Variants in PAPPA2 observed in about 807,000 individuals in gnomAD.
PAPPA2 encodes the protein pappalysin-2.
In PAPPA2, 86 loss-of-function variants were observed where a neutral mutation model predicts 176.4. The observed-to-expected ratio is 0.49, with a 90% CI of 0.41 to 0.58. The LOEUF is 0.58. Among genes scored for constraint, PAPPA2 ranks in the 20% least tolerant of loss-of-function variants. PAPPA2 has a pLI of 0.00. For missense variants in PAPPA2, 2,073 were observed against 2,256.9 expected, an observed-to-expected ratio of 0.92 and a Z score of 1.65; for synonymous variants, 809 against 852.2, an observed-to-expected ratio of 0.95 and a Z score of 0.88.
chr1:176,558,084 A>G (rs1651434023), intron 2 of PAPPA2, among the ~76,000 whole-genome samples: 1 of 152,188 alleles, frequency 6.6e-6, no homozygotes, highest in African/African-American at 2.4e-5. Flanking sequence ...CCTTACTGGG[A>G]AAGTTGGAAT....
At chr1:176,516,087 C>T (rs1648891990) in intron 1 of PAPPA2, among the ~76,000 whole-genome samples, 2 of 152,104 alleles carry the variant, frequency 1.3e-5, no homozygotes, top group African/African-American at 2.4e-5. Flanking sequence ...CACAGGACAA[C>T]ATGTTCTCAA....
chr1:176,709,394 T>C (rs1405891651), intron 10 of PAPPA2, among the ~76,000 whole-genome samples: 1 of 152,036 alleles, frequency 6.6e-6, no homozygotes, highest in Non-Finnish European at 1.5e-5. Flanking sequence ...CCTCACAGGG[T>C]TGTCCTAAGA....
intron 3 of PAPPA2, among the ~76,000 whole-genome samples, chr1:176,625,057 T>G (rs1471871746): frequency 1.3e-5 from 2 of 152,220 alleles, no homozygotes; most frequent in African/African-American, 4.8e-5. Flanking sequence ...GACTGTTGTC[T>G]GTAGGCAGTC....
At chr1:176,528,463 G>A (rs1649613606) in intron 1 of PAPPA2, among the ~76,000 whole-genome samples, 1 of 152,172 alleles carries the variant, frequency 6.6e-6, no homozygotes, top group Non-Finnish European at 1.5e-5. Flanking sequence ...TTGCCCAAAG[G>A]CCCACAGCTA....
chr1:176,560,969 A>C (rs1651634265), intron 2 of PAPPA2, among the ~76,000 whole-genome samples: 1 of 152,198 alleles, frequency 6.6e-6, no homozygotes, highest in Non-Finnish European at 1.5e-5. Flanking sequence ...CATGCAAAGC[A>C]CGGCAAGGCC....
rs115676018 is a variant in PAPPA2 at position 176,636,131 on chromosome 1, G to A, written c.1992-34839G>A. 6.2e-3 allele frequency among the ~76,000 whole-genome samples: 942 copies of A among 152,214 alleles called. 14 individuals are homozygous for A. Among genetic ancestry groups the A allele is most frequent in the African/African-American group, 0.021 (866 of 41,530 alleles). Reference sequence around the variant, plus strand: ...CTTGATGCATTCTGCTGTTGAGAACGTGAAAGGGACACCATCAATAAACAC... The same window carrying A: ...CTTGATGCATTCTGCTGTTGAGAACATGAAAGGGACACCATCAATAAACAC... On this transcript the variant is annotated intron_variant, in intron 3 of 22. Transcript: ENST00000367662.
At chr1:176,705,554 A>G (rs547346993) in intron 9 of PAPPA2, among the ~76,000 whole-genome samples, 2 of 152,296 alleles carry the variant, frequency 1.3e-5, no homozygotes, top group East Asian at 3.9e-4. Context: ...GTCCTCATCC[A>G]TTTTGCAATA....
chr1:176,658,099 T>C (rs1658128022), intron 3 of PAPPA2, among the ~76,000 whole-genome samples: 1 of 152,058 alleles, frequency 6.6e-6, no homozygotes, highest in African/African-American at 2.4e-5. Flanking sequence ...GAATGCTCTC[T>C]ATTATATATG....
At chr1:176,495,619 C>A (rs907248487) in intron 1 of PAPPA2, among the ~76,000 whole-genome samples, 3 of 151,712 alleles carry the variant, frequency 2.0e-5, no homozygotes, top group Admixed American at 6.6e-5. Flanking sequence ...TCCAGGCAGT[C>A]TTACTCCAGA....
At chr1:176,701,989 T>G (rs1234041268) in intron 8 of PAPPA2, among the ~76,000 whole-genome samples, 1 of 152,018 alleles carries the variant, frequency 6.6e-6, no homozygotes, top group African/African-American at 2.4e-5. Flanking sequence ...ACAACTCCAT[T>G]CCTGATACCT....
At chr1:176,839,577 A>T (rs1667403260) in intron 21 of PAPPA2, among the ~76,000 whole-genome samples, 1 of 152,164 alleles carries the variant, frequency 6.6e-6, no homozygotes. Flanking sequence ...GACAGACACC[A>T]TCTGAGTCTT....
chr1:176,813,559 C>T (rs1571364588), intron 21 of PAPPA2, among the ~76,000 whole-genome samples: 1 of 152,164 alleles, frequency 6.6e-6, no homozygotes, highest in East Asian at 1.9e-4. Context: ...ATCTTTCTTT[C>T]ATATGTTTCT....
intron 21 of PAPPA2, among the ~76,000 whole-genome samples, chr1:176,822,217 G>A (rs946617964): frequency 1.3e-5 from 2 of 152,078 alleles, no homozygotes; most frequent in Non-Finnish European, 2.9e-5. Context: ...AGAAACTTTC[G>A]ATTACTCCCT....
rs574755589 is a variant in PAPPA2, at chr1:176,627,806, A to G, written c.1991+32211A>G. ...TCACCCACATAACAGTAGGAAAAGCAGAGTGTAAGAGTCCATGGAGAAAGT... is the reference window on the plus strand; with the variant it reads ...TCACCCACATAACAGTAGGAAAAGCGGAGTGTAAGAGTCCATGGAGAAAGT... On this transcript the variant is annotated intron_variant, in intron 3 of 22. Transcript: ENST00000367662. Among the ~76,000 whole-genome samples the G allele has an allele frequency of 5.3e-5, 8 of 152,290 alleles. No individual in the cohort carries two copies. The East Asian group carries it at 1.5e-3, about 29-fold the overall frequency.
At chr1:176,792,619 C>T (rs749792275) in intron 19 of PAPPA2, among the ~76,000 whole-genome samples, 6 of 152,046 alleles carry the variant, frequency 3.9e-5, no homozygotes, top group African/African-American at 7.2e-5. Context: ...CCCACTAACT[C>T]GTCGGTGGGT....
chr1:176,491,989 G>A (rs1647316389), intron 1 of PAPPA2, among the ~76,000 whole-genome samples: 1 of 152,188 alleles, frequency 6.6e-6, no homozygotes, highest in Admixed American at 6.5e-5. Flanking sequence ...TTTAATTCTG[G>A]GAAAGCTTGT....
intron 1 of PAPPA2, among the ~76,000 whole-genome samples, chr1:176,552,288 A>G (rs1405717256): frequency 7.2e-6 from 1 of 138,310 alleles, no homozygotes; most frequent in Non-Finnish European, 1.6e-5. Flanking sequence ...TAGTCCTCCT[A>G]CCCTCCCCCT....
At chr1:176,513,260 C>G (rs1398764578) in intron 1 of PAPPA2, among the ~76,000 whole-genome samples, 1 of 152,258 alleles carries the variant, frequency 6.6e-6, no homozygotes, top group Non-Finnish European at 1.5e-5. Context: ...TGTTCCTTCA[C>G]TTGTTTTTCT....
chr1:176,772,605 G>T (rs1664281532), intron 17 of PAPPA2, among the ~76,000 whole-genome samples: 1 of 152,160 alleles, frequency 6.6e-6, no homozygotes, highest in African/African-American at 2.4e-5. Flanking sequence ...CCACCAGAGG[G>T]AAGGGCCAGG....
Sources: allele counts gnomAD v4.1 joint callset (sites outside exome capture counted in the v4.1 genomes callset), GRCh38; gene constraint gnomAD v4.1.1; transcripts MANE v1.5; gene names NCBI Gene and HGNC (gene_info 2026-07-23, HGNC 2026-07-21).